Variants in ASIC2 observed in about 807,000 individuals in gnomAD.
ASIC2 encodes the protein acid-sensing ion channel 2.
A neutral mutation model predicts 57.3 loss-of-function variants in ASIC2; 25 were observed. The observed-to-expected ratio is 0.44, with a 90% CI of 0.32 to 0.61. The LOEUF is 0.61. ASIC2 is among the 20% of genes least tolerant of loss of function. ASIC2 has a pLI of 0.06. For synonymous variants in ASIC2, 319 were observed against 307.5 expected, an observed-to-expected ratio of 1.04 and a Z score of -0.39; for missense variants, 641 against 738.1, an observed-to-expected ratio of 0.87 and a Z score of 1.52.
At chr17:34,036,293 G>A (rs932954709) in intron 1 of ASIC2, among the ~76,000 whole-genome samples, 2 of 146,604 alleles carry the variant, frequency 1.4e-5, no homozygotes, top group African/African-American at 2.5e-5. Flanking sequence ...AACATCGCAT[G>A]TTCTCACTCA....
chr17:33,447,204 T>C (rs1484605903), intron 1 of ASIC2, among the ~76,000 whole-genome samples: 1 of 152,166 alleles, frequency 6.6e-6, no homozygotes, highest in Non-Finnish European at 1.5e-5. Context: ...TGTCTGCAAT[T>C]GAACGGTAGT....
At chr17:34,019,973 A>C (rs929590152) in intron 1 of ASIC2, among the ~76,000 whole-genome samples, 6 of 152,198 alleles carry the variant, frequency 3.9e-5, no homozygotes. Context: ...AGAATAAAAC[A>C]GAAGCTACAA....
chr17:33,887,093 C>T (rs917741562), intron 1 of ASIC2, among the ~76,000 whole-genome samples: 1 of 152,152 alleles, frequency 6.6e-6, no homozygotes, highest in Admixed American at 6.6e-5. Flanking sequence ...GACATAAAAC[C>T]TGTTCCTAGT....
intron 1 of ASIC2, among the ~76,000 whole-genome samples, chr17:33,499,036 A>T (rs1411137333): frequency 1.3e-5 from 2 of 152,182 alleles, no homozygotes; most frequent in Non-Finnish European, 2.9e-5. Flanking sequence ...TGTTGGCAGC[A>T]AGTGTTGAAA....
chr17:33,384,470 G>A (rs532720551), intron 1 of ASIC2, among the ~76,000 whole-genome samples: 11 of 152,122 alleles, frequency 7.2e-5, no homozygotes, highest in Admixed American at 3.3e-4. Context: ...TTATGATGTC[G>A]GAGGGAAGTA....
chr17:33,500,673 A>C (rs1385438181), intron 1 of ASIC2, among the ~76,000 whole-genome samples: 1 of 152,240 alleles, frequency 6.6e-6, no homozygotes, highest in Non-Finnish European at 1.5e-5. Flanking sequence ...TCCAGGGGGC[A>C]GGGAATATGT....
chr17:34,053,174 C>T (rs1908633417), intron 1 of ASIC2, among the ~76,000 whole-genome samples: 1 of 152,106 alleles, frequency 6.6e-6, no homozygotes, highest in South Asian at 2.1e-4. Context: ...CTTTATGCCT[C>T]CAAATTTTGT....
chr17:33,746,317 C>T (rs1910257720), intron 1 of ASIC2, among the ~76,000 whole-genome samples: 1 of 147,516 alleles, frequency 6.8e-6, no homozygotes, highest in South Asian at 2.1e-4. Flanking sequence ...TACATGTACA[C>T]ATATATACAT....
chr17:33,289,855 T>C (rs925939331), intron 1 of ASIC2, among the ~76,000 whole-genome samples: 1 of 152,180 alleles, frequency 6.6e-6, no homozygotes, highest in African/African-American at 2.4e-5. Flanking sequence ...GCTACTTGGA[T>C]GTAACCTTGA....
chr17:34,008,815 C>G (rs891962197), intron 1 of ASIC2, among the ~76,000 whole-genome samples: 1 of 152,160 alleles, frequency 6.6e-6, no homozygotes, highest in Non-Finnish European at 1.5e-5. Flanking sequence ...CCTAGCCATC[C>G]CAAGCATGTA....
intron 1 of ASIC2, among the ~76,000 whole-genome samples, chr17:33,915,001 A>C (rs79642030): frequency 0.02 from 2,986 of 152,284 alleles, 104 homozygotes; most frequent in African/African-American, 0.069. Flanking sequence ...GTCTTAACTC[A>C]ACCTGAAGGG....
intron 1 of ASIC2, among the ~76,000 whole-genome samples, chr17:33,572,773 A>G (rs1916492525): frequency 6.6e-6 from 1 of 152,222 alleles, no homozygotes; most frequent in Non-Finnish European, 1.5e-5. Flanking sequence ...GGAGATCTGC[A>G]CGAAGTGATG....
rs892303779 is a variant in ASIC2, at chr17:33,174,984, C to T, written c.709-62917G>A. On this transcript the variant is annotated intron_variant, in intron 1 of 9. Transcript: ENST00000225823. The stretch of plus-strand genomic sequence containing the variant: ...GACCCTCCTCTCTCCCTGCCCCCTA[C>T]TCCTGCCAAAAGTGGAGCTTTCTTT... 6.6e-5 allele frequency among the ~76,000 whole-genome samples: 10 copies of T among 152,270 alleles called. No homozygotes were observed. In the East Asian group the frequency reaches 1.9e-3, roughly 29 times the overall value.
At chr17:33,898,039 C>A (rs962720948) in intron 1 of ASIC2, among the ~76,000 whole-genome samples, 11 of 152,190 alleles carry the variant, frequency 7.2e-5, no homozygotes, top group East Asian at 1.9e-4. Context: ...ATTTCCCTTG[C>A]AACTATAAAA....
chr17:33,382,117 C>T (rs138535003), intron 1 of ASIC2, among the ~76,000 whole-genome samples: 103 of 152,182 alleles, frequency 6.8e-4, no homozygotes, highest in African/African-American at 2.2e-3. Context: ...AGACACCGGG[C>T]GCTGTCTCTG....
intron 1 of ASIC2, among the ~76,000 whole-genome samples, chr17:34,149,184 G>A (rs1312315602): frequency 6.8e-6 from 1 of 147,456 alleles, no homozygotes. Flanking sequence ...ATGGCTCCCT[G>A]CAGCTTCAAC....
intron 1 of ASIC2, among the ~76,000 whole-genome samples, chr17:33,736,428 T>G (rs1302252655): frequency 6.6e-6 from 1 of 152,118 alleles, no homozygotes; most frequent in Non-Finnish European, 1.5e-5. Flanking sequence ...TTTTCTACAC[T>G]CAAGCCACTG....
chr17:34,072,613 TA>T (rs567926697), intron 1 of ASIC2, among the ~76,000 whole-genome samples: 2 of 152,192 alleles, frequency 1.3e-5, no homozygotes, highest in African/African-American at 4.8e-5. Flanking sequence ...TAGAGATGAA[TA>T]AAAGTTGTGT....
intron 1 of ASIC2, among the ~76,000 whole-genome samples, chr17:33,367,245 G>A (rs1437198607): frequency 6.6e-6 from 1 of 152,214 alleles, no homozygotes; most frequent in African/African-American, 2.4e-5. Flanking sequence ...AGAGGTGAGT[G>A]TATAGGGCAG....
Sources: allele counts gnomAD v4.1 joint callset (sites outside exome capture counted in the v4.1 genomes callset), GRCh38; gene constraint gnomAD v4.1.1; transcripts MANE v1.5; gene names NCBI Gene and HGNC (gene_info 2026-07-23, HGNC 2026-07-21).